CAST: variants seen among roughly 807,000 people sequenced by gnomAD.
The protein encoded by CAST is MIR583 host.
Under a neutral mutation model 119.6 loss-of-function variants are expected in CAST, and 76 were observed. That is an observed-to-expected ratio of 0.64 (90% CI 0.53 to 0.77). CAST has a LOEUF of 0.77. Ranked by LOEUF, CAST falls within the 30% of genes least tolerant of loss-of-function variation. The pLI, the probability that CAST is intolerant of heterozygous loss-of-function variation, is 0.00. For missense variants in CAST, 953 were observed against 946.5 expected, an observed-to-expected ratio of 1.01 and a Z score of -0.09; for synonymous variants, 319 against 331.6, an observed-to-expected ratio of 0.96 and a Z score of 0.41.
chr5:96,589,679 T>A (rs1746929992), intron 1 of CAST, among the ~76,000 whole-genome samples: 1 of 152,198 alleles, frequency 6.6e-6, no homozygotes, highest in Admixed American at 6.5e-5. Context: ...GTTGAGTGAT[T>A]CCTTTAATAG....
At chr5:96,034,137 G>T in the CAST span, among the ~76,000 whole-genome samples, 5 of 151,900 alleles carry the variant, frequency 3.3e-5, no homozygotes, top group South Asian at 2.1e-4. Flanking sequence ...AAATAAGTGG[G>T]CAAAGTACCC....
chr5:96,460,447 A>G, the CAST span, among the ~76,000 whole-genome samples: 1 of 152,060 alleles, frequency 6.6e-6, no homozygotes, highest in African/African-American at 2.4e-5. Context: ...TAAAACCTAG[A>G]TGATGGGTTG....
chr5:96,763,506 A>G (rs752876984), intron 25 of CAST, among the ~76,000 whole-genome samples: 3 of 152,248 alleles, frequency 2.0e-5, no homozygotes, highest in Non-Finnish European at 4.4e-5. Flanking sequence ...GATGAAGGCT[A>G]TCAGTAAACA....
At chr5:96,011,397 A>G in the CAST span, among the ~76,000 whole-genome samples, 2 of 152,220 alleles carry the variant, frequency 1.3e-5, no homozygotes, top group African/African-American at 4.8e-5. Context: ...TAGTAATAAA[A>G]TGTAAAGTCC....
intron 1 of CAST, among the ~76,000 whole-genome samples, chr5:96,654,242 G>T (rs986623165): frequency 5.3e-5 from 8 of 151,794 alleles, no homozygotes; most frequent in Non-Finnish European, 8.8e-5. Flanking sequence ...GGCCAAGCTG[G>T]TCTCAAACTC....
At chr5:96,742,848 T>C (rs1235985347) in intron 16 of CAST, 92 bp downstream of exon 16, 9 of 881,228 alleles carry the variant, frequency 1.0e-5, no homozygotes, top group Non-Finnish European at 1.7e-5. Flanking sequence ...CGCACAACTT[T>C]TATTGGAGAG....
chr5:96,392,856 T>C, the CAST span: 2 of 799,058 alleles, frequency 2.5e-6, no homozygotes, highest in Admixed American at 4.0e-5. Flanking sequence ...CCTTCACATG[T>C]ACAGTTTAGG....
At chr5:96,410,710 A>T in the CAST span, 2 of 1,289,558 alleles carry the variant, frequency 1.6e-6, no homozygotes, top group Admixed American at 3.4e-5. Flanking sequence ...AGTTAGGGGA[A>T]TCATTTCACA....
intron 3 of CAST, among the ~76,000 whole-genome samples, chr5:96,717,971 G>C (rs910017544): frequency 6.6e-5 from 10 of 152,158 alleles, no homozygotes; most frequent in Non-Finnish European, 1.2e-4. Flanking sequence ...ATTAAAAGGG[G>C]GTTTCTATCC....
At chr5:96,494,041 C>A in the CAST span, among the ~76,000 whole-genome samples, 23 of 152,058 alleles carry the variant, frequency 1.5e-4, no homozygotes, top group Admixed American at 1.2e-3. Flanking sequence ...CTCAAAATAA[C>A]TAACTAACTA....
the CAST span, among the ~76,000 whole-genome samples, chr5:96,231,939 G>A: frequency 6.6e-6 from 1 of 152,144 alleles, no homozygotes; most frequent in African/African-American, 2.4e-5. Flanking sequence ...AATTGCAAGT[G>A]GATCCTAAGC....
chr5:96,422,226 G>C, the CAST span, among the ~76,000 whole-genome samples: 3 of 152,106 alleles, frequency 2.0e-5, no homozygotes, highest in Non-Finnish European at 4.4e-5. Flanking sequence ...TGGGATATTG[G>C]AGTTGGAAGG....
chr5:96,170,842 G>C, the CAST span, among the ~76,000 whole-genome samples: 1 of 152,160 alleles, frequency 6.6e-6, no homozygotes, highest in Non-Finnish European at 1.5e-5. Context: ...GTGGGAGAGG[G>C]CTAGTTGCGG....
intron 2 of CAST, chr5:96,679,605 C>T (rs1751107364): frequency 6.6e-6 from 1 of 152,106 alleles, no homozygotes; most frequent in Admixed American, 6.5e-5. Context: ...ATTTTAAAAG[C>T]TTCAAATTTA....
chr5:96,601,963 C>T (rs572947349), intron 1 of CAST, among the ~76,000 whole-genome samples: 17 of 152,280 alleles, frequency 1.1e-4, no homozygotes, highest in African/African-American at 3.1e-4. Context: ...TAAGGTCTTC[C>T]GGCTCCCTCT....
At chr5:96,596,569 T>C (rs568736164) in intron 1 of CAST, among the ~76,000 whole-genome samples, 2 of 152,292 alleles carry the variant, frequency 1.3e-5, no homozygotes, top group South Asian at 2.1e-4. Context: ...ATAGGAAACA[T>C]GGACTAAGCT....
chr5:96,070,515 A>C, the CAST span, among the ~76,000 whole-genome samples: 1 of 152,186 alleles, frequency 6.6e-6, no homozygotes, highest in Non-Finnish European at 1.5e-5. Context: ...AAACATGCCT[A>C]CGTTAGTGAG....
chr5:95,988,332 G>C, the CAST span, among the ~76,000 whole-genome samples: 1 of 151,890 alleles, frequency 6.6e-6, no homozygotes, highest in Non-Finnish European at 1.5e-5. Flanking sequence ...TGCCCTATTT[G>C]TTCCTACCAC....
the CAST span, among the ~76,000 whole-genome samples, chr5:96,475,517 G>C: frequency 6.6e-6 from 1 of 152,174 alleles, no homozygotes; most frequent in Admixed American, 6.5e-5. Context: ...AGCTTTTCCT[G>C]TGAAATAGTA....
Sources: gnomAD v4.1 joint callset for allele counts (sites outside exome capture counted in the v4.1 genomes callset) on GRCh38, gnomAD v4.1.1 for gene constraint, MANE v1.5 for transcripts, NCBI Gene and HGNC (gene_info 2026-07-23, HGNC 2026-07-21) for gene names.